Variants in TBCD observed in about 807,000 individuals in gnomAD.
The protein encoded by TBCD is tubulin-specific chaperone D.
Under a neutral mutation model 169.3 loss-of-function variants are expected in TBCD, and 105 were observed. The observed-to-expected ratio is 0.62, with a 90% CI of 0.53 to 0.73. The LOEUF (loss-of-function observed/expected upper bound fraction) is 0.73, where lower values mean the gene tolerates loss of function less well. TBCD is among the 30% of genes least tolerant of loss of function. The pLI is 0.00. For missense variants in TBCD, 1,444 were observed against 1,600.1 expected (o/e 0.90, Z 1.66); for synonymous variants, 700 against 643.9 (o/e 1.09, Z -1.32).
At chr17:82,859,491 A>G in intron 13 of TBCD, 3 of 952,638 alleles carry the variant, frequency 3.1e-6, no homozygotes, top group Non-Finnish European at 3.7e-6. Flanking sequence ...ACACTCACAC[A>G]CTGGCTTTCA....
chr17:82,874,681 C>T lies in TBCD; in HGVS notation c.1475+4301C>T, dbSNP rs527890480. Reference sequence around the variant, plus strand: ...CCCACGCAGACTCCAGGCATCCGGCCGGGCGGGCTGTGAGTCAGGCTGCAC... The same window carrying T: ...CCCACGCAGACTCCAGGCATCCGGCTGGGCGGGCTGTGAGTCAGGCTGCAC... On this transcript the variant is annotated intron_variant, in intron 14 of 38. Coordinates refer to ENST00000355528, the MANE Select transcript of TBCD (RefSeq NM_005993.5). This position sits in a 1 kb window ranked among gnomAD's most constrained non-coding sequence, Gnocchi z 5.0. Among the ~76,000 whole-genome samples, 4 of 152,316 alleles carry T rather than the reference C, an allele frequency of 2.6e-5. No individual in the cohort carries two copies. Among genetic ancestry groups the T allele is most frequent in the East Asian group, 3.9e-4 (2 of 5,176 alleles).
Position 82,856,709 on chromosome 17 carries a change from GCGCA to G in TBCD, c.1319-13514_1319-13511del, listed in dbSNP as rs1364556311. Among the ~76,000 whole-genome samples the G allele has an allele frequency of 3.3e-5, 5 of 150,560 alleles. No individual in the cohort carries two copies. In the East Asian group the frequency reaches 5.9e-4, roughly 18 times the overall value. On this transcript the variant is annotated intron_variant, in intron 13 of 38. Transcript: ENST00000355528. ...ATCCCTGTCTTCCCCTTTTTTGGGT[GCGCA>G]TCCAGGGCGGGATCGCTGGACCGCG...
chr17:82,761,733 T>TTG (rs2047766771), intron 2 of TBCD, among the ~76,000 whole-genome samples: 1 of 151,804 alleles, frequency 6.6e-6, no homozygotes, highest in South Asian at 2.1e-4. Flanking sequence ...TTTTTTTTTT[T>TTG]GAGATGGAGT....
intron 13 of TBCD, chr17:82,858,770 C>A (rs2056520648): frequency 1.9e-6 from 1 of 531,184 alleles, no homozygotes; most frequent in Non-Finnish European, 2.4e-6. Flanking sequence ...TGTGAACGGG[C>A]CCTGCTCAGC....
At chr17:82,855,571 T>C (rs537695700) in intron 13 of TBCD, among the ~76,000 whole-genome samples, 1 of 152,190 alleles carries the variant, frequency 6.6e-6, no homozygotes, top group East Asian at 1.9e-4. Flanking sequence ...CCTGGCCAGG[T>C]GTTTGCTCTT....
chr17:82,892,030 A>T (rs1173673304), intron 16 of TBCD, among the ~76,000 whole-genome samples: 1 of 151,810 alleles, frequency 6.6e-6, no homozygotes, highest in African/African-American at 2.4e-5. Flanking sequence ...CAGGCCCCCC[A>T]CTTCCCCCCT....
rs1402319540 is a variant in TBCD at position 82,782,790 on chromosome 17, TGTGGCGTCGTCCTGTCTGCG to T, written c.771+1098_771+1117del. On this transcript the variant is annotated intron_variant, in intron 7 of 38. Coordinates refer to ENST00000355528, the MANE Select transcript of TBCD (RefSeq NM_005993.5). This position sits in a 1 kb window ranked among gnomAD's most constrained non-coding sequence, Gnocchi z 5.1. ...CTATCCGCGGCGTTGTCTTCCTGTCTGTGGCGTCGTCCTGTCTGCGGTGGCGTCGTCCTGTCTGCGGTGGC... is the reference window on the plus strand; with the variant it reads ...CTATCCGCGGCGTTGTCTTCCTGTCTGTGGCGTCGTCCTGTCTGCGGTGGC... Among the ~76,000 whole-genome samples the T allele has an allele frequency of 6.0e-4, 90 of 150,496 alleles. No homozygotes were observed. Among genetic ancestry groups the T allele is most frequent in the African/African-American group, 1.4e-3 (58 of 40,776 alleles).
intron 38 of TBCD, 21 bp downstream of exon 38, chr17:82,941,504 G>A (rs367960706): frequency 1.1e-5 from 17 of 1,562,812 alleles, no homozygotes; most frequent in Non-Finnish European, 1.5e-5. Context: ...CACCTTCACA[G>A]CATGAGGTGC....
In TBCD at chr17:82,942,480, C is replaced by G; in HGVS notation, c.*17C>G. The G allele has an allele frequency of 6.2e-7, 1 of 1,613,980 alleles. No individual in the cohort carries two copies. The highest frequency in any genetic ancestry group is 8.5e-7 in the Non-Finnish European group (1 of 1,179,884). On this transcript the variant is annotated 3_prime_UTR_variant, in exon 39 of 39. Transcript: ENST00000355528. ...GCCTGCTGAAGCCAGTCCTGGAGCC[C>G]ATACCTCACCCCTGCCTGGTGAGGA...
chr17:82,891,831 ACT>A (rs1450356073), intron 16 of TBCD, among the ~76,000 whole-genome samples: 1 of 151,210 alleles, frequency 6.6e-6, no homozygotes, highest in Non-Finnish European at 1.5e-5. Flanking sequence ...GGAGTTGGAG[ACT>A]CTGGTCCTGA....
intron 13 of TBCD, among the ~76,000 whole-genome samples, chr17:82,821,927 T>C (rs977801539): frequency 6.6e-6 from 1 of 152,260 alleles, no homozygotes; most frequent in African/African-American, 2.4e-5. Context: ...ATTAAATTTT[T>C]ATAAGTTTAT....
rs1221010207 is a variant in TBCD at position 82,835,533 on chromosome 17, C to T, written c.1318+20599C>T. ...TGCCTCCTGGGTTCAAGAGATTCTC[C>T]TGCCTCAGCCTCCCTAGTAGCTGGG... On this transcript the variant is annotated intron_variant, in intron 13 of 38. Transcript: ENST00000355528. The surrounding 1 kb of genome is among the most constrained non-coding windows in gnomAD (Gnocchi z 4.5). 6.6e-6 allele frequency among the ~76,000 whole-genome samples: 1 copy of T among 152,162 alleles called. No homozygotes were observed. The highest frequency in any genetic ancestry group is 1.5e-5 in the Non-Finnish European group (1 of 68,040).
chr17:82,820,596 A>C (rs2052335812), intron 13 of TBCD, among the ~76,000 whole-genome samples: 1 of 150,986 alleles, frequency 6.6e-6, no homozygotes, highest in Non-Finnish European at 1.5e-5. Context: ...TGTTATGTTA[A>C]TACACATGTT....
intron 37 of TBCD, among the ~76,000 whole-genome samples, chr17:82,940,852 C>T (rs2063149440): frequency 6.6e-6 from 1 of 152,168 alleles, no homozygotes; most frequent in South Asian, 2.1e-4. Flanking sequence ...GGCGAGGCCT[C>T]CTCCAGCGAG....
At chr17:82,813,794 G>C (rs2051645359) in intron 12 of TBCD, among the ~76,000 whole-genome samples, 1 of 152,220 alleles carries the variant, frequency 6.6e-6, no homozygotes, top group African/African-American at 2.4e-5. Flanking sequence ...TCTGGAACTT[G>C]TTTAATTGTG....
At chr17:82,763,293 C>T (rs1453705310) in intron 2 of TBCD, among the ~76,000 whole-genome samples, 1 of 152,188 alleles carries the variant, frequency 6.6e-6, no homozygotes, top group African/African-American at 2.4e-5. Context: ...TTCTGTTTAT[C>T]TCTGATGGTA....
At chr17:82,867,517 G>A (rs2057258569) in intron 13 of TBCD, among the ~76,000 whole-genome samples, 1 of 152,218 alleles carries the variant, frequency 6.6e-6, no homozygotes, top group Non-Finnish European at 1.5e-5. Flanking sequence ...TAGTTTTGAT[G>A]TGTTGGCCAC....
chr17:82,928,928 G>C (rs563264184), intron 30 of TBCD, among the ~76,000 whole-genome samples, 185 bp from the exon 31 acceptor site: 1 of 152,128 alleles, frequency 6.6e-6, no homozygotes, highest in Non-Finnish European at 1.5e-5. Flanking sequence ...TGAAGGTAAC[G>C]GAGTGTGGTT....
chr17:82,920,756 TGAA>T lies in TBCD; in HGVS notation c.2101+140_2101+142del, dbSNP rs2061371531. Reference sequence around the variant, plus strand: ...AAGATATTAATCGGATACGTTGCCTTGAAGTTGTTACAAGAACCTGCTTAAATA... The same window carrying T: ...AAGATATTAATCGGATACGTTGCCTTGTTGTTACAAGAACCTGCTTAAATA... On this transcript the variant is annotated intron_variant, in intron 24 of 38. Coordinates refer to ENST00000355528, the MANE Select transcript of TBCD (RefSeq NM_005993.5). The surrounding 1 kb of genome is among the most constrained non-coding windows in gnomAD (Gnocchi z 4.1). 9 of 848,766 alleles carry T rather than the reference TGAA, an allele frequency of 1.1e-5. No individual in the cohort carries two copies. The South Asian group carries it at 1.5e-4, about 14-fold the overall frequency. 52.6% of individuals were successfully genotyped at this position (848,766 alleles called of 1,614,324 possible).
Sources: allele counts gnomAD v4.1 joint callset (sites outside exome capture counted in the v4.1 genomes callset), GRCh38; gene constraint gnomAD v4.1.1; non-coding constraint Gnocchi (gnomAD v3.1); transcripts MANE v1.5; gene names NCBI Gene and HGNC (gene_info 2026-07-23, HGNC 2026-07-21).